Variants in C1orf94 observed in about 807,000 individuals in gnomAD.
C1orf94 encodes the protein chromosome 1 open reading frame 94.
In C1orf94, 45 loss-of-function variants were observed where a neutral mutation model predicts 53.6. The observed-to-expected ratio is 0.84, with a 90% CI of 0.66 to 1.08. The LOEUF (loss-of-function observed/expected upper bound fraction) is 1.08, where lower values mean the gene tolerates loss of function less well. C1orf94 is among the 50% of genes least tolerant of loss of function. The pLI is 0.00. For synonymous variants in C1orf94, 304 were observed against 296.1 expected (o/e 1.03, Z -0.27); for missense variants, 762 against 738.9 (o/e 1.03, Z -0.36).
At chr1:34,195,836 G>A (rs1407533759) in intron 1 of C1orf94, among the ~76,000 whole-genome samples, 1 of 151,792 alleles carries the variant, frequency 6.6e-6, no homozygotes, top group Non-Finnish European at 1.5e-5. Flanking sequence ...AGCATTACCA[G>A]GAAGGCATGG....
chr1:34,190,841 A>C (rs1376130112), intron 1 of C1orf94, among the ~76,000 whole-genome samples: 2 of 152,156 alleles, frequency 1.3e-5, no homozygotes, highest in African/African-American at 4.8e-5. Context: ...CTTTTGATAT[A>C]TAACAAACCA....
intron 1 of C1orf94, among the ~76,000 whole-genome samples, chr1:34,185,910 C>A (rs1642378196): frequency 6.6e-6 from 1 of 152,218 alleles, no homozygotes; most frequent in Non-Finnish European, 1.5e-5. Context: ...TATAAACCAA[C>A]AAGAGCTACC....
intron 6 of C1orf94, among the ~76,000 whole-genome samples, chr1:34,217,271 T>A (rs774638725): frequency 1.5e-4 from 23 of 152,122 alleles, no homozygotes; most frequent in Non-Finnish European, 3.1e-4. Flanking sequence ...ACTGTCTAGA[T>A]CATGCCGGTG....
Position 34,218,727 on chromosome 1 carries a change from A to G in C1orf94, c.1763A>G (p.Tyr588Cys), listed in dbSNP as rs760891248. The change falls in exon 7 of 7, where the codon TAT becomes TGT. Residue 588 changes from tyrosine (Y) to cysteine (C), a missense_variant. By Grantham distance (194) the Tyr-to-Cys change is radical. Transcript: ENST00000488417. Reference protein sequence around the residue: ...TSGGPLMHSPYFSSSGNGINF With the variant: ...TSGGPLMHSPCFSSSGNGINF ...GGAGGGCCCTTGATGCACAGCCCCT[A>G]TTTTTCTTCCAGTGGGAATGGCATA... 8.1e-6 allele frequency: 13 copies of G among 1,611,832 alleles called. No individual in the cohort carries two copies. Among genetic ancestry groups the G allele is most frequent in the Middle Eastern group, 1.6e-4 (1 of 6,074 alleles).
chr1:34,185,531 G>GA (rs1259528991), intron 1 of C1orf94, among the ~76,000 whole-genome samples: 2 of 152,130 alleles, frequency 1.3e-5, no homozygotes, highest in African/African-American at 2.4e-5. Flanking sequence ...CAGTCCCATT[G>GA]ACACTGATGC....
At chr1:34,174,627 G>C (rs145557607), upstream of C1orf94, among the ~76,000 whole-genome samples, 327 of 152,308 alleles carry the variant, frequency 2.1e-3, 4 homozygotes, top group Admixed American at 0.01. Flanking sequence ...ACCATGTGAG[G>C]ACATAGGGAG....
At chr1:34,189,021 G>C (rs561344618) in intron 1 of C1orf94, among the ~76,000 whole-genome samples, 2 of 152,072 alleles carry the variant, frequency 1.3e-5, no homozygotes, top group Non-Finnish European at 2.9e-5. Context: ...GGAAGGCTAC[G>C]GTGGTTTGTG....
At position 34,218,728 on chromosome 1, in the gene C1orf94, T is replaced by A. The variant is rs764724003; in HGVS notation, c.1764T>A (p.Tyr588Ter). 18 of 1,612,736 alleles carry A rather than the reference T, an allele frequency of 1.1e-5. No homozygotes were observed. The highest frequency in any genetic ancestry group is 1.4e-5 in the Non-Finnish European group (16 of 1,179,208). Residue 588 changes from tyrosine to a stop codon, truncating the protein, a stop_gained, in exon 7 of 7, where the codon TAT becomes TAA. Coordinates refer to ENST00000488417, the MANE Select transcript of C1orf94 (RefSeq NM_001134734.2). LOFTEE classifies it high-confidence loss of function. Reference sequence around the variant, plus strand: ...GAGGGCCCTTGATGCACAGCCCCTATTTTTCTTCCAGTGGGAATGGCATAA... The same window carrying A: ...GAGGGCCCTTGATGCACAGCCCCTAATTTTCTTCCAGTGGGAATGGCATAA... The part of the protein sequence containing the change: ...TSGGPLMHSP[Y>*]FSSSGNGINF
intron 4 of C1orf94, among the ~76,000 whole-genome samples, chr1:34,203,821 T>C (rs1454980320): frequency 1.3e-5 from 2 of 152,216 alleles, no homozygotes; most frequent in African/African-American, 2.4e-5. Context: ...TGCCGCCCAC[T>C]GGGTAGAAGG....
intron 6 of C1orf94, among the ~76,000 whole-genome samples, 199 bp downstream of exon 6, chr1:34,212,605 G>A (rs1168881276): frequency 6.6e-6 from 1 of 152,168 alleles, no homozygotes; most frequent in Non-Finnish European, 1.5e-5. Flanking sequence ...GGGGCCTGGT[G>A]GGCCCCTTTT....
upstream of C1orf94, among the ~76,000 whole-genome samples, chr1:34,174,143 CG>C (rs1557474168): frequency 2.0e-5 from 3 of 152,226 alleles, no homozygotes; most frequent in African/African-American, 7.2e-5. Context: ...CCTGGAAAGG[CG>C]TAAGTGATTA....
At position 34,214,120 on chromosome 1, in the gene C1orf94, T is replaced by C. The variant is rs562003916; in HGVS notation, c.1721+1714T>C. Among the ~76,000 whole-genome samples, 4 of 152,204 alleles carry C rather than the reference T, an allele frequency of 2.6e-5. No homozygotes were observed. In the South Asian group the frequency reaches 8.3e-4, roughly 32 times the overall value. ...CAACAATGTTAGTGCCCTGGCAAAG[T>C]GAAAACCATCAAAGTGGCCCGAGGA... On this transcript the variant is annotated intron_variant, in intron 6 of 6. Coordinates refer to ENST00000488417, the MANE Select transcript of C1orf94 (RefSeq NM_001134734.2).
intron 1 of C1orf94, among the ~76,000 whole-genome samples, chr1:34,170,029 T>G (rs1642121494): frequency 6.6e-6 from 1 of 152,220 alleles, no homozygotes; most frequent in Non-Finnish European, 1.5e-5. Flanking sequence ...AAATTCTTCA[T>G]TTGTGTATAA....
At chr1:34,173,569 C>T (rs538795270), upstream of C1orf94, among the ~76,000 whole-genome samples, 5 of 152,156 alleles carry the variant, frequency 3.3e-5, no homozygotes, top group Admixed American at 3.3e-4. Context: ...GCTAAGAATC[C>T]CAGAATTCTA....
intron 6 of C1orf94, among the ~76,000 whole-genome samples, chr1:34,213,621 A>T (rs569807521): frequency 6.6e-6 from 1 of 151,942 alleles, no homozygotes; most frequent in Admixed American, 6.5e-5. Flanking sequence ...GCTCACTGCA[A>T]TCTCCGCCTC....
At chr1:34,203,693 C>T (rs1642749787) in intron 4 of C1orf94, among the ~76,000 whole-genome samples, 2 of 152,330 alleles carry the variant, frequency 1.3e-5, no homozygotes, top group Non-Finnish European at 1.5e-5. Flanking sequence ...AATGGCCAGA[C>T]ACAAAGGGAC....
intron 4 of C1orf94, among the ~76,000 whole-genome samples, chr1:34,206,508 CACACACACAATT>C (rs1642795660): frequency 1.3e-5 from 2 of 152,222 alleles, no homozygotes; most frequent in East Asian, 3.8e-4. Context: ...TGATGCCGTG[CACACACACAATT>C]GCACACAAAC....
intron 2 of C1orf94, 148 bp downstream of exon 2, chr1:34,198,061 G>A: frequency 1.1e-6 from 1 of 918,522 alleles, no homozygotes; most frequent in Non-Finnish European, 1.6e-6. Context: ...CCGAGGGACG[G>A]GCTGTTTCCA....
chr1:34,197,703 A>G lies in C1orf94; in HGVS notation c.799A>G (p.Lys267Glu), dbSNP rs770082695. ...TGTGCTGGACAAGACAAGGGTCACC[A>G]AGGACTTCCTACAGGACAACCTGTT... is the stretch of plus-strand genomic sequence containing the variant. ...KNVLDKTRVT[K>E]DFLQDNLFSG... Residue 267 changes from lysine (K) to glutamate (E), a missense_variant, in exon 2 of 7, where the codon AAG becomes GAG. Transcript: ENST00000488417. This position sits in a 1 kb window ranked among gnomAD's most constrained non-coding sequence, Gnocchi z 4.1. The G allele has an allele frequency of 2.3e-5, 37 of 1,613,952 alleles. No homozygotes were observed. The African/African-American group carries it at 4.4e-4, about 19-fold the overall frequency.
Sources: gnomAD v4.1 joint callset for allele counts (sites outside exome capture counted in the v4.1 genomes callset) on GRCh38, gnomAD v4.1.1 for gene constraint, Gnocchi (gnomAD v3.1) non-coding constraint, MANE v1.5 for transcripts, NCBI Gene and HGNC (gene_info 2026-07-23, HGNC 2026-07-21) for gene names.